The following PTCD2 variants were observed in gnomAD, a reference collection of about 807,000 sequenced individuals.
PTCD2 encodes the protein pentatricopeptide repeat-containing protein 2, mitochondrial.
PTCD2 carries 31 observed loss-of-function variants against 42.6 expected under a neutral mutation model. The observed-to-expected ratio is 0.73, with a 90% CI of 0.55 to 0.98. The LOEUF is 0.98. Ranked by LOEUF, PTCD2 falls within the 50% of genes least tolerant of loss-of-function variation. The probability of loss-of-function intolerance (pLI) is 0.00; values close to 1 mark genes in which losing one functional copy is unlikely to be tolerated. For synonymous variants in PTCD2, 183 were observed against 170.9 expected (o/e 1.07, Z -0.55); for missense variants, 476 against 454.8 (o/e 1.05, Z -0.42).
intron 8 of PTCD2, among the ~76,000 whole-genome samples, chr5:72,350,066 G>A (rs1188185142): frequency 3.3e-5 from 5 of 152,110 alleles, no homozygotes; most frequent in Non-Finnish European, 5.9e-5. Flanking sequence ...TATTGTTATC[G>A]AGGGCTGGCC....
intron 4 of PTCD2, among the ~76,000 whole-genome samples, chr5:72,331,801 A>G (rs1471509496): frequency 6.6e-6 from 1 of 152,208 alleles, no homozygotes; most frequent in Admixed American, 6.5e-5. Flanking sequence ...TTTCCGTCAC[A>G]TATTCTGACT....
intron 4 of PTCD2, 134 bp downstream of exon 4, chr5:72,331,509 C>G (rs951657505): frequency 2.8e-6 from 2 of 706,402 alleles, no homozygotes; most frequent in African/African-American, 3.5e-5. Flanking sequence ...GAGCACATCT[C>G]TGCATTTTTA....
At chr5:72,338,774 C>T (rs779981974) in intron 7 of PTCD2, 39 bp downstream of exon 7, 1 of 1,118,778 alleles carries the variant, frequency 8.9e-7, no homozygotes, top group African/African-American at 1.6e-5. Flanking sequence ...TTGGGAGTGG[C>T]CAGGACTTCA....
chr5:72,362,389 G>A lies in PTCD2; in HGVS notation c.*3962G>A, dbSNP rs1753115620. The A allele has an allele frequency of 6.6e-6, 1 of 152,154 alleles. No individual in the cohort carries two copies. Among genetic ancestry groups the A allele is most frequent in the Admixed American group, 6.5e-5 (1 of 15,280 alleles). 9.4% of individuals were successfully genotyped at this position (152,154 alleles called of 1,614,324 possible). ...AATGGGCTCTCACTAGACACCAAAT[G>A]CTGGTGTCTTGTTCTTGGATTTCCC... is the stretch of plus-strand genomic sequence containing the variant. On this transcript the variant is annotated 3_prime_UTR_variant, in exon 10 of 10. Coordinates refer to ENST00000380639, the MANE Select transcript of PTCD2 (RefSeq NM_024754.5).
At chr5:72,341,409 T>C (rs1239736200) in intron 7 of PTCD2, among the ~76,000 whole-genome samples, 4 of 152,062 alleles carry the variant, frequency 2.6e-5, no homozygotes, top group Admixed American at 6.6e-5. Context: ...ATGAGTGTCA[T>C]GTGGTGGTTC....
At chr5:72,328,469 G>T (rs1751258809) in intron 3 of PTCD2, among the ~76,000 whole-genome samples, 1 of 152,210 alleles carries the variant, frequency 6.6e-6, no homozygotes, top group Admixed American at 6.5e-5. Flanking sequence ...AAGGCAAGTT[G>T]CCTGGCCAGA....
At chr5:72,351,742 C>A (rs1203931858) in intron 8 of PTCD2, among the ~76,000 whole-genome samples, 3 of 151,998 alleles carry the variant, frequency 2.0e-5, no homozygotes, top group Non-Finnish European at 4.4e-5. Context: ...GGAAACTGCC[C>A]CCATGATCCA....
intron 2 of PTCD2, among the ~76,000 whole-genome samples, chr5:72,326,310 TAC>T (rs1441047247): frequency 6.6e-6 from 1 of 152,248 alleles, no homozygotes; most frequent in Non-Finnish European, 1.5e-5. Context: ...AACTTTAGTA[TAC>T]CAGAGGATCA....
At chr5:72,346,458 C>G (rs1352000656) in intron 8 of PTCD2, among the ~76,000 whole-genome samples, 1 of 152,136 alleles carries the variant, frequency 6.6e-6, no homozygotes, top group Non-Finnish European at 1.5e-5. Flanking sequence ...GCTGAGAGCC[C>G]TCCCTGTCTT....
At chr5:72,337,534 A>C (rs1751814691) in intron 6 of PTCD2, among the ~76,000 whole-genome samples, 1 of 152,122 alleles carries the variant, frequency 6.6e-6, no homozygotes, top group South Asian at 2.1e-4. Flanking sequence ...AGTGGCTCAC[A>C]CCTGTAATCC....
intron 1 of PTCD2, 167 bp downstream of exon 1, chr5:72,320,676 G>A (rs1272608879): frequency 1.2e-6 from 1 of 852,778 alleles, no homozygotes. Flanking sequence ...ACCACTGGGG[G>A]TCGTGGATAC....
intron 2 of PTCD2, among the ~76,000 whole-genome samples, chr5:72,324,083 T>A (rs1025813587): frequency 6.6e-6 from 1 of 152,196 alleles, no homozygotes; most frequent in Non-Finnish European, 1.5e-5. Context: ...TTATCCCCAG[T>A]TGAGTAGGCT....
chr5:72,349,297 A>G (rs577946580), intron 8 of PTCD2, among the ~76,000 whole-genome samples: 2 of 152,292 alleles, frequency 1.3e-5, no homozygotes, highest in South Asian at 2.1e-4. Context: ...TCATCTAACA[A>G]CTTGTACTGA....
In PTCD2 at chr5:72,360,535, A is replaced by G. The variant is rs1156456343; in HGVS notation, c.*2108A>G. 1.3e-5 allele frequency: 2 copies of G among 152,238 alleles called. No individual in the cohort carries two copies. Among genetic ancestry groups the G allele is most frequent in the Non-Finnish European group, 2.9e-5 (2 of 68,048 alleles). The allele number at this position is 152,238 out of a possible 1,614,324, so 9.4% of individuals were successfully genotyped here. ...AATGTTCACCCCAAAGTAATAGATG[A>G]TTTTAAAGTCTTAAAAGTCCAATAA... On this transcript the variant is annotated 3_prime_UTR_variant, in exon 10 of 10. Transcript: ENST00000380639.
At chr5:72,326,169 T>C (rs1441209497) in intron 2 of PTCD2, among the ~76,000 whole-genome samples, 2 of 152,240 alleles carry the variant, frequency 1.3e-5, no homozygotes, top group African/African-American at 4.8e-5. Flanking sequence ...ACTCACATTT[T>C]CTTTTTAGTT....
chr5:72,351,758 C>A (rs1359466864), intron 8 of PTCD2, among the ~76,000 whole-genome samples: 1 of 152,064 alleles, frequency 6.6e-6, no homozygotes, highest in Non-Finnish European at 1.5e-5. Flanking sequence ...ATCCAATCAC[C>A]TCCCACCATG....
chr5:72,347,043 A>G (rs566393778), intron 8 of PTCD2, among the ~76,000 whole-genome samples: 4 of 152,340 alleles, frequency 2.6e-5, no homozygotes, highest in East Asian at 1.9e-4. Flanking sequence ...GATTTGTTAT[A>G]CAACTCTATC....
intron 3 of PTCD2, among the ~76,000 whole-genome samples, chr5:72,328,992 C>G (rs1751286048): frequency 1.3e-5 from 2 of 152,216 alleles, no homozygotes; most frequent in South Asian, 4.1e-4. Context: ...TAAAGTCACA[C>G]TGTATCTACA....
chr5:72,350,881 G>A (rs548945043), intron 8 of PTCD2, among the ~76,000 whole-genome samples: 1 of 152,004 alleles, frequency 6.6e-6, no homozygotes, highest in African/African-American at 2.4e-5. Context: ...GCTTTGACTT[G>A]GTAATTTTAC....
Sources: allele counts gnomAD v4.1 joint callset (sites outside exome capture counted in the v4.1 genomes callset), GRCh38; gene constraint gnomAD v4.1.1; transcripts MANE v1.5; gene names NCBI Gene and HGNC (gene_info 2026-07-23, HGNC 2026-07-21).